ARHGAP22: variants seen among roughly 807,000 people sequenced by gnomAD.
ARHGAP22 encodes the protein rho GTPase-activating protein 22.
A neutral mutation model predicts 59.1 loss-of-function variants in ARHGAP22; 48 were observed. The ratio of observed to expected loss-of-function variants is 0.81; its 90% CI spans 0.64 to 1.03. ARHGAP22 has a LOEUF of 1.03. ARHGAP22 is among the 50% of genes least tolerant of loss of function. The pLI is 0.00. For synonymous variants in ARHGAP22, 445 were observed against 416.4 expected, an observed-to-expected ratio of 1.07 and a Z score of -0.84; for missense variants, 1,015 against 958.7, an observed-to-expected ratio of 1.06 and a Z score of -0.78.
At chr10:48,612,170 C>A (rs532032450) in intron 1 of ARHGAP22, among the ~76,000 whole-genome samples, 1 of 152,014 alleles carries the variant, frequency 6.6e-6, no homozygotes, top group East Asian at 1.9e-4. Context: ...CATCTTTAAT[C>A]CCTCCCTCAT....
chr10:48,527,422 T>C (rs1432967312), intron 3 of ARHGAP22, among the ~76,000 whole-genome samples: 1 of 151,640 alleles, frequency 6.6e-6, no homozygotes, highest in Non-Finnish European at 1.5e-5. Context: ...GATGAATGGA[T>C]GGGTGGATGG....
chr10:48,467,242 G>A (rs1443024716), intron 4 of ARHGAP22, among the ~76,000 whole-genome samples: 4 of 152,218 alleles, frequency 2.6e-5, no homozygotes, highest in African/African-American at 9.7e-5. Flanking sequence ...CATACAGCTG[G>A]TGATGGACCT....
chr10:48,500,794 G>A (rs1038715602), intron 3 of ARHGAP22, among the ~76,000 whole-genome samples: 6 of 151,854 alleles, frequency 4.0e-5, no homozygotes, highest in African/African-American at 1.5e-4. Flanking sequence ...GGGAGGCTGA[G>A]GCAGGAGAAT....
chr10:48,433,772 G>C, the ARHGAP22 span, among the ~76,000 whole-genome samples: 1 of 152,190 alleles, frequency 6.6e-6, no homozygotes. Flanking sequence ...AGAATGGAGG[G>C]ATGATCTCAA....
chr10:48,521,458 A>G (rs1439890736), intron 3 of ARHGAP22, among the ~76,000 whole-genome samples: 1 of 152,218 alleles, frequency 6.6e-6, no homozygotes, highest in African/African-American at 2.4e-5. Flanking sequence ...TTTCTGCTTT[A>G]TCAAGTAGAT....
chr10:48,627,518 G>A (rs932649366), intron 1 of ARHGAP22, among the ~76,000 whole-genome samples: 2 of 152,238 alleles, frequency 1.3e-5, no homozygotes, highest in African/African-American at 2.4e-5. Context: ...CTAGGTTCAA[G>A]GCATGGTGGG....
At chr10:48,456,896 A>G (rs1245067685) in intron 5 of ARHGAP22, among the ~76,000 whole-genome samples, 1 of 147,812 alleles carries the variant, frequency 6.8e-6, no homozygotes, top group Non-Finnish European at 1.5e-5. Context: ...ACTTTTCCCT[A>G]AACTGCTGTC....
rs540985785 is a variant in ARHGAP22, at chr10:48,559,680, A to G, written c.235-4130T>C. On this transcript the variant is annotated intron_variant, in intron 2 of 9. Coordinates refer to ENST00000249601, the MANE Select transcript of ARHGAP22 (RefSeq NM_021226.4). The stretch of plus-strand genomic sequence containing the variant: ...TTTATTGACCATTTGTATTTCTTCT[A>G]TTAATTCCTTGTTAACATCCCTTAT... 2.0e-5 allele frequency among the ~76,000 whole-genome samples: 3 copies of G among 152,260 alleles called. No homozygotes were observed. In the South Asian group the frequency reaches 6.2e-4, roughly 32 times the overall value.
Position 48,555,564 on chromosome 10 carries a change from A to T in ARHGAP22, c.235-14T>A. 6.2e-7 allele frequency: 1 copy of T among 1,610,660 alleles called. No individual in the cohort carries two copies. The highest frequency in any genetic ancestry group is 8.5e-7 in the Non-Finnish European group (1 of 1,176,852). On this transcript the variant is annotated splice_polypyrimidine_tract_variant and intron_variant, in intron 2 of 9. Coordinates refer to ENST00000249601, the MANE Select transcript of ARHGAP22 (RefSeq NM_021226.4). ...AGAAATAAATCCCTAAAAAGGAGGC[A>T]AACACAAACACAGGGAGCATGAGAT...
chr10:48,502,965 A>G (rs1401799031), intron 3 of ARHGAP22, among the ~76,000 whole-genome samples: 1 of 152,192 alleles, frequency 6.6e-6, no homozygotes, highest in Non-Finnish European at 1.5e-5. Context: ...ATAAAGGCAT[A>G]AATTCAGAAC....
chr10:48,655,008 CTCTTTCTTTCTT>C (rs369212947), upstream of ARHGAP22, among the ~76,000 whole-genome samples: 1 of 76,546 alleles, frequency 1.3e-5, no homozygotes, highest in African/African-American at 5.3e-5. Flanking sequence ...CTCTTTCTTT[CTCTTTCTTTCTT>C]TCTTTCTTTC....
chr10:48,532,507 T>C (rs948088565), intron 3 of ARHGAP22: 1 of 152,204 alleles, frequency 6.6e-6, no homozygotes, highest in African/African-American at 2.4e-5. Context: ...TTTATTATAC[T>C]TTAAGTTCTA....
chr10:48,526,338 C>G (rs948263548), intron 3 of ARHGAP22, among the ~76,000 whole-genome samples: 7 of 151,818 alleles, frequency 4.6e-5, no homozygotes, highest in Admixed American at 2.6e-4. Flanking sequence ...CCCTCCCTCT[C>G]CTTTAACTCC....
chr10:48,614,557 C>A (rs1170127490), intron 1 of ARHGAP22, among the ~76,000 whole-genome samples: 1 of 152,148 alleles, frequency 6.6e-6, no homozygotes, highest in Non-Finnish European at 1.5e-5. Flanking sequence ...CAGAGTAAGA[C>A]ATTTCAAAAT....
intron 1 of ARHGAP22, among the ~76,000 whole-genome samples, chr10:48,610,739 G>A (rs927984713): frequency 2.2e-4 from 33 of 152,280 alleles, no homozygotes; most frequent in South Asian, 6.2e-4. Flanking sequence ...CCCAACTGGC[G>A]CTCCGAGCAG....
intron 2 of ARHGAP22, among the ~76,000 whole-genome samples, chr10:48,561,808 A>G (rs2057704619): frequency 6.6e-6 from 1 of 152,252 alleles, no homozygotes; most frequent in African/African-American, 2.4e-5. Context: ...TCTATTAGAT[A>G]AAGTAAAAAG....
At chr10:48,640,909 T>C (rs2062017481) in intron 1 of ARHGAP22, among the ~76,000 whole-genome samples, 1 of 152,164 alleles carries the variant, frequency 6.6e-6, no homozygotes, top group African/African-American at 2.4e-5. Context: ...ATTTTTGGGC[T>C]TATCATGTAT....
intron 1 of ARHGAP22, among the ~76,000 whole-genome samples, chr10:48,644,108 T>C (rs1375420699): frequency 6.6e-6 from 1 of 152,016 alleles, no homozygotes; most frequent in Admixed American, 6.6e-5. Context: ...GATCGTGCCA[T>C]TGCACTCCAG....
chr10:48,479,836 C>T, intron 3 of ARHGAP22, 72 bp from the exon 4 acceptor site: 2 of 1,400,104 alleles, frequency 1.4e-6, no homozygotes, highest in South Asian at 2.9e-5. Context: ...CGGCACTAGT[C>T]AGCATTACTC....
Sources: gnomAD v4.1 joint callset for allele counts (sites outside exome capture counted in the v4.1 genomes callset) on GRCh38, gnomAD v4.1.1 for gene constraint, MANE v1.5 for transcripts, NCBI Gene and HGNC (gene_info 2026-07-23, HGNC 2026-07-21) for gene names.